Variants in POPDC2 observed in about 807,000 individuals in gnomAD.
The protein encoded by POPDC2 is popeye domain-containing protein 2.
POPDC2 carries 24 observed loss-of-function variants against 30.5 expected under a neutral mutation model. That is an observed-to-expected ratio of 0.79 (90% CI 0.57 to 1.11). The LOEUF (loss-of-function observed/expected upper bound fraction) is 1.11. Among genes scored for constraint, POPDC2 ranks in the 50% least tolerant of loss-of-function variants. The pLI is 0.00. For synonymous variants in POPDC2, 185 were observed against 183.3 expected, an observed-to-expected ratio of 1.01 and a Z score of -0.07; for missense variants, 409 against 447.0, an observed-to-expected ratio of 0.91 and a Z score of 0.77.
At chr3:119,647,286 A>C (rs1301712735) in intron 3 of POPDC2, among the ~76,000 whole-genome samples, 1 of 152,128 alleles carries the variant, frequency 6.6e-6, no homozygotes, top group East Asian at 1.9e-4. Flanking sequence ...GGCCTACATC[A>C]TGGTTGGGTG....
intron 1 of POPDC2, among the ~76,000 whole-genome samples, chr3:119,656,879 C>T (rs2107823343): frequency 6.6e-6 from 1 of 152,316 alleles, no homozygotes; most frequent in African/African-American, 2.4e-5. Flanking sequence ...TGGAGCATCT[C>T]TCATGTTTCT....
chr3:119,648,029 T>C (rs2052764054), intron 3 of POPDC2, 90 bp downstream of exon 3: 1 of 1,084,722 alleles, frequency 9.2e-7, no homozygotes, highest in Non-Finnish European at 1.3e-6. Flanking sequence ...TAAGAGGAAA[T>C]GTTCCACGAA....
chr3:119,643,567 G>GT, intron 3 of POPDC2: 2 of 731,052 alleles, frequency 2.7e-6, no homozygotes, highest in Non-Finnish European at 4.6e-6. Context: ...CTGCCTTTAT[G>GT]TATTTTATCA....
intron 3 of POPDC2, among the ~76,000 whole-genome samples, chr3:119,647,484 A>T (rs1337836556): frequency 1.3e-5 from 2 of 152,210 alleles, no homozygotes; most frequent in Non-Finnish European, 2.9e-5. Flanking sequence ...GGTGTGGGTG[A>T]CTGGGGAAAG....
chr3:119,642,423 T>G lies in POPDC2; in HGVS notation c.*182A>C. The G allele has an allele frequency of 7.6e-7, 1 of 1,324,240 alleles. No homozygotes were observed. Among genetic ancestry groups the G allele is most frequent in the Non-Finnish European group, 1.1e-6 (1 of 921,124 alleles). 82.0% of individuals were successfully genotyped at this position (1,324,240 alleles called of 1,614,324 possible). A position where few individuals can be genotyped will look rare whatever the true frequency, so the allele number is the denominator to read the frequency against. ...GAGGCATGCCTATCAGTGGCCATTC[T>G]GTGAACACAGAAGAGAGCTGCGCTG... On this transcript the variant is annotated 3_prime_UTR_variant, in exon 4 of 4. Coordinates refer to ENST00000493094, the MANE Select transcript of POPDC2 (RefSeq NM_001369919.2).
At position 119,657,832 on chromosome 3, in the gene POPDC2, G is replaced by A. The variant is rs146302075; in HGVS notation, c.491+2101C>T. 6.0e-3 allele frequency among the ~76,000 whole-genome samples: 915 copies of A among 152,204 alleles called. 6 individuals are homozygous for A. The highest frequency in any genetic ancestry group is 0.021 in the African/African-American group (885 of 41,488). ...GAAGATGGATGATCTTCTCCTAAAT[G>A]AATAGCTTAGATAGTTAGTTGCCTG... On this transcript the variant is annotated intron_variant, in intron 1 of 3. Transcript: ENST00000493094.
chr3:119,660,066 G>C lies in POPDC2; in HGVS notation c.358C>G (p.Gln120Glu), dbSNP rs1577175129. Residue 120 changes from glutamine (Q) to glutamate (E), a missense_variant, in exon 1 of 4, where the codon CAG (glutamine) becomes GAG (glutamate). Coordinates refer to ENST00000493094, the MANE Select transcript of POPDC2 (RefSeq NM_001369919.2). ...LLYKTLCLPL[Q>E]VPLQTYKEIV... The stretch of plus-strand genomic sequence containing the variant: ...TCCTTGTATGTCTGTAGGGGCACCT[G>C]CAAGGGCAGGCACAGCGTCTTGTAG... 6.2e-7 allele frequency: 1 copy of C among 1,614,224 alleles called. No homozygotes were observed. Among genetic ancestry groups the C allele is most frequent in the Non-Finnish European group, 8.5e-7 (1 of 1,180,042 alleles).
chr3:119,660,046 G>A lies in POPDC2; in HGVS notation c.378C>T (p.Tyr126=), dbSNP rs1207071468. ...CCTCGCAGCAGTGAACAATCTCCTT[G>A]TATGTCTGTAGGGGCACCTGCAAGG... ...CLPLQVPLQT[Y]KEIVHCCEEQ... Residue 126 remains tyrosine, a synonymous_variant, in exon 1 of 4, where the codon TAC becomes TAT. Coordinates refer to ENST00000493094, the MANE Select transcript of POPDC2 (RefSeq NM_001369919.2). 1 of 1,614,208 alleles carries A rather than the reference G, an allele frequency of 6.2e-7. No homozygotes were observed. Among genetic ancestry groups the A allele is most frequent in the Non-Finnish European group, 8.5e-7 (1 of 1,180,032 alleles).
At position 119,660,087 on chromosome 3, in the gene POPDC2, T is replaced by C; in HGVS notation, c.337A>G (p.Lys113Glu). ...ACCTGCAAGGGCAGGCACAGCGTCT[T>C]GTAGAGGAGGTCAAACTCCTCAGGG... Reference protein sequence around the residue: ...TLPEEFDLLYKTLCLPLQVPL... With the variant: ...TLPEEFDLLYETLCLPLQVPL... Residue 113 changes from lysine to glutamate, a missense_variant, in exon 1 of 4, where the codon AAG (lysine) becomes GAG (glutamate). Physicochemically the swap from Lys to Glu is moderately conservative, Grantham distance 56. Coordinates refer to ENST00000493094, the MANE Select transcript of POPDC2 (RefSeq NM_001369919.2). The C allele has an allele frequency of 6.2e-7, 1 of 1,614,178 alleles. No homozygotes were observed. Among genetic ancestry groups the C allele is most frequent in the South Asian group, 1.1e-5 (1 of 91,076 alleles).
chr3:119,651,761 G>A (rs528528028), intron 2 of POPDC2, among the ~76,000 whole-genome samples: 35 of 151,046 alleles, frequency 2.3e-4, no homozygotes, highest in African/African-American at 6.6e-4. Flanking sequence ...TCAGCCTCCC[G>A]AGTAGCTGGG....
intron 2 of POPDC2, among the ~76,000 whole-genome samples, chr3:119,649,928 G>A (rs1430730635): frequency 6.6e-6 from 1 of 151,966 alleles, no homozygotes; most frequent in East Asian, 1.9e-4. Context: ...CTACGTTATC[G>A]AGGCCAGAAG....
upstream of POPDC2, chr3:119,660,628 TTC>T (rs370359165): frequency 0.026 from 10,245 of 391,746 alleles, no homozygotes; most frequent in Middle Eastern, 0.035. Context: ...AAAAACCTCT[TTC>T]TCTCTCTCTC....
intron 2 of POPDC2, 127 bp downstream of exon 2, chr3:119,654,378 C>T (rs1195335109): frequency 7.4e-6 from 5 of 678,202 alleles, no homozygotes; most frequent in Non-Finnish European, 1.3e-5. Context: ...GAAGAGTGCC[C>T]CCGCCTGTAG....
At chr3:119,654,986 T>A (rs2052863449) in intron 1 of POPDC2, among the ~76,000 whole-genome samples, 1 of 152,156 alleles carries the variant, frequency 6.6e-6, no homozygotes, top group African/African-American at 2.4e-5. Context: ...TATTTACATC[T>A]CCCCAGTGAT....
At chr3:119,644,997 T>C (rs998187026) in intron 3 of POPDC2, among the ~76,000 whole-genome samples, 1 of 152,216 alleles carries the variant, frequency 6.6e-6, no homozygotes, top group African/African-American at 2.4e-5. Context: ...TTTGGCTAAT[T>C]TGATCATGTT....
At chr3:119,655,313 C>A (rs1478065087) in intron 1 of POPDC2, among the ~76,000 whole-genome samples, 1 of 152,076 alleles carries the variant, frequency 6.6e-6, no homozygotes, top group Non-Finnish European at 1.5e-5. Flanking sequence ...GGCAAAAGAG[C>A]AAGATTCTGT....
At chr3:119,652,955 G>A (rs1393487942) in intron 2 of POPDC2, among the ~76,000 whole-genome samples, 2 of 152,190 alleles carry the variant, frequency 1.3e-5, no homozygotes, top group African/African-American at 2.4e-5. Context: ...AAAGTAGTAG[G>A]AGACACATGG....
intron 2 of POPDC2, 52 bp downstream of exon 2, chr3:119,654,453 T>G: frequency 8.2e-7 from 1 of 1,217,054 alleles, no homozygotes. Context: ...CGGATATTGC[T>G]GGGCTACAGT....
chr3:119,654,658 T>C, intron 1 of POPDC2, 45 bp from the exon 2 acceptor site: 5 of 1,406,100 alleles, frequency 3.6e-6, no homozygotes, highest in Non-Finnish European at 5.0e-6. Context: ...GGAAAATGGC[T>C]CTCCAAGCCA....
Sources: allele counts gnomAD v4.1 joint callset (sites outside exome capture counted in the v4.1 genomes callset), GRCh38; gene constraint gnomAD v4.1.1; transcripts MANE v1.5; gene names NCBI Gene and HGNC (gene_info 2026-07-23, HGNC 2026-07-21).